Variants in ABCA12 observed in about 807,000 individuals in gnomAD.
ABCA12 encodes the protein ATP binding cassette subfamily A member 12, also known as glucosylceramide transporter ABCA12.
Under a neutral mutation model 293.5 loss-of-function variants are expected in ABCA12, and 156 were observed. That is an observed-to-expected ratio of 0.53 (90% CI 0.47 to 0.61). The LOEUF is 0.61. ABCA12 is among the 20% of genes least tolerant of loss of function. The pLI, the probability that ABCA12 is intolerant of heterozygous loss-of-function variation, is 0.00. For missense variants in ABCA12, 2,797 were observed against 3,090.2 expected, an observed-to-expected ratio of 0.91 and a Z score of 2.25; for synonymous variants, 1,063 against 1,108.0, an observed-to-expected ratio of 0.96 and a Z score of 0.81.
At chr2:214,953,807 T>C (rs1698854309) in intron 44 of ABCA12, 47 bp downstream of exon 44, 5 of 1,600,142 alleles carry the variant, frequency 3.1e-6, no homozygotes, top group South Asian at 1.1e-5. Flanking sequence ...ATAGGTTGAA[T>C]TGAGTTCTGT....
At chr2:215,045,197 C>T (rs1367356005) in intron 7 of ABCA12, among the ~76,000 whole-genome samples, 1 of 152,132 alleles carries the variant, frequency 6.6e-6, no homozygotes, top group Non-Finnish European at 1.5e-5. Context: ...CAATCAAAAC[C>T]TAAGTACTGT....
In ABCA12 at chr2:215,026,938, C is replaced by T. The variant is rs752243164; in HGVS notation, c.1062G>A (p.Gln354=). The T allele has an allele frequency of 9.6e-6, 15 of 1,554,726 alleles. No homozygotes were observed. In the South Asian group the frequency reaches 1.3e-4, roughly 14 times the overall value. Reference sequence around the variant, plus strand: ...CTTCAAAGTTTTCCAGAATTAGGAGCCTGCAGAATTAGAAAAGAATATAGA... The same window carrying T: ...CTTCAAAGTTTTCCAGAATTAGGAGTCTGCAGAATTAGAAAAGAATATAGA... The part of the protein sequence containing the change: ...QTLSPSSLAA[Q]LLILENFEDA... Residue 354 remains glutamine, a splice_region_variant and synonymous_variant, in exon 10 of 53, where the codon CAG becomes CAA. Coordinates refer to ENST00000272895, the MANE Select transcript of ABCA12 (RefSeq NM_173076.3).
intron 22 of ABCA12, among the ~76,000 whole-genome samples, chr2:214,998,856 C>T (rs760319792): frequency 2.6e-5 from 4 of 152,060 alleles, no homozygotes; most frequent in South Asian, 2.1e-4. Flanking sequence ...CAGTAGATGT[C>T]GATGAGAGAT....
chr2:214,964,304 C>T (rs146005594), intron 39 of ABCA12, among the ~76,000 whole-genome samples: 21,137 of 152,096 alleles, frequency 0.14, 2,218 homozygotes, highest in African/African-American at 0.29. Flanking sequence ...AGCATTCCCC[C>T]TGAAAACTGG....
chr2:215,012,677 C>T (rs1007231104), intron 15 of ABCA12, among the ~76,000 whole-genome samples: 7 of 151,858 alleles, frequency 4.6e-5, no homozygotes, highest in South Asian at 2.1e-4. Flanking sequence ...GGTTTCCTTC[C>T]GAAGTAATGG....
intron 5 of ABCA12, 34 bp from the exon 6 acceptor site, chr2:215,049,845 T>G: frequency 1.3e-6 from 2 of 1,562,368 alleles, no homozygotes; most frequent in Non-Finnish European, 8.8e-7. Context: ...AAAATAAGAG[T>G]GTTAATAAAT....
In ABCA12 at chr2:214,975,821, G is replaced by A. The variant is rs140464323; in HGVS notation, c.5345C>T (p.Ser1782Phe). 3 of 1,614,120 alleles carry A rather than the reference G, an allele frequency of 1.9e-6. No individual in the cohort carries two copies. Among genetic ancestry groups the A allele is most frequent in the East Asian group, 2.2e-5 (1 of 44,874 alleles). ...TGTCTGTTCGGAGGTACCATAAAGAGAGGGGGAGATCTGAATCTCTGGATA... is the reference window on the plus strand; with the variant it reads ...TGTCTGTTCGGAGGTACCATAAAGAAAGGGGGAGATCTGAATCTCTGGATA... ...NSYPEIQISP[S>F]LYGTSEQTAF... is the part of the protein sequence containing the mutation. Residue 1782 changes from serine (S) to phenylalanine (F), a missense_variant, in exon 34 of 53, where the codon TCT becomes TTT. This residue lies in a region of ABCA12 where 2,130 missense variants were observed against 2,427.0 expected (regional missense o/e 0.88). Coordinates refer to ENST00000272895, the MANE Select transcript of ABCA12 (RefSeq NM_173076.3).
chr2:214,993,426 T>C (rs991829754), intron 23 of ABCA12, among the ~76,000 whole-genome samples: 47 of 152,250 alleles, frequency 3.1e-4, no homozygotes, highest in African/African-American at 1.1e-3. Flanking sequence ...AGCAATTCTT[T>C]GCGTGTACCC....
chr2:215,005,612 T>C (rs1017789991), intron 19 of ABCA12, among the ~76,000 whole-genome samples: 1 of 152,180 alleles, frequency 6.6e-6, no homozygotes, highest in Non-Finnish European at 1.5e-5. Context: ...GGAAAATCTG[T>C]ATCAGAGCAT....
intron 38 of ABCA12, among the ~76,000 whole-genome samples, chr2:214,968,487 T>C (rs1051695168): frequency 1.3e-5 from 2 of 152,122 alleles, no homozygotes; most frequent in African/African-American, 4.8e-5. Flanking sequence ...GGTTGCGTTT[T>C]TGGCTATTAT....
intron 51 of ABCA12, among the ~76,000 whole-genome samples, chr2:214,936,938 G>GA (rs10656386): frequency 0.032 from 4,722 of 147,714 alleles, 95 homozygotes; most frequent in African/African-American, 0.039. Context: ...CCTTTGTGAG[G>GA]AAAAAAAAAA....
rs1331363735 is a variant in ABCA12, at chr2:215,031,821, T to C, written c.1061A>G (p.Gln354Arg). ...QTLSPSSLAAQLLILENFEDA... is the reference protein window; with the variant it reads ...QTLSPSSLAARLLILENFEDA... ...TATTTAGAAATAAACAAAGACTTAC[T>C]GTGCAGCCAGACTGCTTGGAGATAA... is the stretch of plus-strand genomic sequence containing the variant. Residue 354 changes from glutamine (Q) to arginine (R), a missense_variant and splice_region_variant, in exon 9 of 53, where the codon CAG becomes CGG. Physicochemically the swap from Gln to Arg is conservative, Grantham distance 43. Coordinates refer to ENST00000272895, the MANE Select transcript of ABCA12 (RefSeq NM_173076.3). 3.7e-6 allele frequency: 6 copies of C among 1,613,864 alleles called. No individual in the cohort carries two copies. The highest frequency in any genetic ancestry group is 4.2e-6 in the Non-Finnish European group (5 of 1,179,942).
chr2:215,030,734 G>C (rs1700859236), intron 9 of ABCA12, among the ~76,000 whole-genome samples: 1 of 152,206 alleles, frequency 6.6e-6, no homozygotes, highest in African/African-American at 2.4e-5. Flanking sequence ...GATGGCAGCA[G>C]AAAGAGGAGG....
intron 1 of ABCA12, among the ~76,000 whole-genome samples, chr2:215,131,381 G>C (rs987267383): frequency 5.9e-5 from 9 of 151,710 alleles, no homozygotes; most frequent in Non-Finnish European, 7.4e-5. Flanking sequence ...TTTTTATCGG[G>C]AGATTTTTTT....
intron 50 of ABCA12, among the ~76,000 whole-genome samples, 163 bp from the exon 51 acceptor site, chr2:214,937,778 G>A (rs548834566): frequency 1.3e-5 from 2 of 152,246 alleles, no homozygotes; most frequent in East Asian, 3.9e-4. Context: ...GTTGCAAACT[G>A]GAAATAGTGC....
chr2:215,060,105 T>A (rs1354838712), intron 3 of ABCA12, among the ~76,000 whole-genome samples: 1 of 152,096 alleles, frequency 6.6e-6, no homozygotes, highest in Non-Finnish European at 1.5e-5. Flanking sequence ...TGTCTTATGG[T>A]ACCTGTGTAA....
chr2:214,949,011 C>G, intron 46 of ABCA12, 29 bp downstream of exon 46: 1 of 1,536,936 alleles, frequency 6.5e-7, no homozygotes, highest in Non-Finnish European at 9.0e-7. Context: ...ATGTTGTACT[C>G]GCTAAATTGA....
chr2:215,046,917 C>A (rs1365589633), intron 6 of ABCA12, among the ~76,000 whole-genome samples: 1 of 152,074 alleles, frequency 6.6e-6, no homozygotes, highest in Non-Finnish European at 1.5e-5. Context: ...AGATCATGTC[C>A]TTTGCAGGGA....
chr2:215,029,592 G>A (rs776802527), intron 9 of ABCA12, among the ~76,000 whole-genome samples: 31 of 151,986 alleles, frequency 2.0e-4, no homozygotes, highest in Non-Finnish European at 3.7e-4. Context: ...TAAAATAGAG[G>A]ACAGTTGGGC....
Sources: gnomAD v4.1 joint callset for allele counts (sites outside exome capture counted in the v4.1 genomes callset) on GRCh38, gnomAD v4.1.1 for gene constraint, gnomAD v4.1.1 regional missense constraint, MANE v1.5 for transcripts, NCBI Gene and HGNC (gene_info 2026-07-23, HGNC 2026-07-21) for gene names.